The following DPP10 variants were observed in gnomAD, a reference collection of about 807,000 sequenced individuals.
DPP10 encodes dipeptidyl peptidase like 10.
DPP10 carries 33 observed loss-of-function variants against 120.9 expected under a neutral mutation model. The ratio of observed to expected loss-of-function variants is 0.27; its 90% CI spans 0.21 to 0.37. DPP10 has a LOEUF of 0.37. Ranked by LOEUF, DPP10 falls within the 10% of genes least tolerant of loss-of-function variation. The pLI is 1.00. For synonymous variants in DPP10, 337 were observed against 326.1 expected (o/e 1.03, Z -0.36); for missense variants, 816 against 942.8 (o/e 0.87, Z 1.76).
At chr2:115,733,448 C>T (rs746377933) in intron 8 of DPP10, among the ~76,000 whole-genome samples, 7 of 152,048 alleles carry the variant, frequency 4.6e-5, no homozygotes, top group African/African-American at 9.7e-5. Context: ...CATAGATCAT[C>T]GATGGCCTTG....
intron 1 of DPP10, among the ~76,000 whole-genome samples, chr2:114,818,262 A>G (rs1345776287): frequency 6.6e-6 from 1 of 152,182 alleles, no homozygotes; most frequent in African/African-American, 2.4e-5. Context: ...AATTATAAAA[A>G]CAGGACCTGT....
intron 1 of DPP10, among the ~76,000 whole-genome samples, chr2:115,223,172 A>T (rs746911767): frequency 1.6e-4 from 25 of 152,164 alleles, no homozygotes; most frequent in Non-Finnish European, 7.3e-5. Context: ...ACAAGAGTAA[A>T]GACGGCAATA....
intron 1 of DPP10, among the ~76,000 whole-genome samples, chr2:115,026,846 A>G (rs1703499565): frequency 1.3e-5 from 2 of 151,972 alleles, no homozygotes; most frequent in Admixed American, 6.6e-5. Flanking sequence ...TGTTTTTTCT[A>G]TTTCTGTGAA....
intron 1 of DPP10, among the ~76,000 whole-genome samples, chr2:115,025,702 T>A (rs1703410071): frequency 6.6e-6 from 1 of 152,146 alleles, no homozygotes; most frequent in Non-Finnish European, 1.5e-5. Context: ...GCATTCTAAC[T>A]GGGGTGAGAT....
chr2:115,568,751 T>G (rs1466571062), intron 5 of DPP10, among the ~76,000 whole-genome samples: 15 of 152,284 alleles, frequency 9.9e-5, no homozygotes, highest in Non-Finnish European at 1.9e-4. Flanking sequence ...CAGGCTAAGC[T>G]GTCAGTCAGT....
intron 1 of DPP10, among the ~76,000 whole-genome samples, chr2:115,282,223 A>T (rs1436973263): frequency 6.6e-6 from 1 of 152,094 alleles, no homozygotes; most frequent in African/African-American, 2.4e-5. Context: ...AGATAATATT[A>T]CATAATAGTT....
At chr2:115,376,308 G>A (rs977538927) in intron 3 of DPP10, among the ~76,000 whole-genome samples, 2 of 152,118 alleles carry the variant, frequency 1.3e-5, no homozygotes, top group Non-Finnish European at 1.5e-5. Context: ...TGAATGTTAT[G>A]TATGAACACT....
chr2:115,483,176 C>G (rs530449488), intron 3 of DPP10, among the ~76,000 whole-genome samples: 12 of 152,026 alleles, frequency 7.9e-5, no homozygotes, highest in Non-Finnish European at 1.6e-4. Flanking sequence ...TCATCATACT[C>G]AAGATCACTT....
At chr2:115,251,024 G>A (rs770684587) in intron 1 of DPP10, among the ~76,000 whole-genome samples, 2 of 152,104 alleles carry the variant, frequency 1.3e-5, no homozygotes, top group African/African-American at 4.8e-5. Flanking sequence ...TTTCGTCCCC[G>A]GTGGCTTTGG....
At chr2:114,812,780 A>G (rs985652048) in intron 1 of DPP10, among the ~76,000 whole-genome samples, 4 of 152,072 alleles carry the variant, frequency 2.6e-5, no homozygotes, top group African/African-American at 9.7e-5. Context: ...TAAGCATTCC[A>G]AGATGAAAAA....
intron 1 of DPP10, among the ~76,000 whole-genome samples, chr2:115,050,778 G>A (rs1705417927): frequency 6.6e-6 from 1 of 152,162 alleles, no homozygotes; most frequent in Non-Finnish European, 1.5e-5. Context: ...CTAGGGCAGG[G>A]ATGGTACACG....
At chr2:115,717,501 G>A (rs1386083741) in intron 7 of DPP10, among the ~76,000 whole-genome samples, 1 of 152,092 alleles carries the variant, frequency 6.6e-6, no homozygotes, top group East Asian at 1.9e-4. Context: ...GTTACTTAAT[G>A]TCTTTGTCCT....
intron 1 of DPP10, among the ~76,000 whole-genome samples, chr2:114,500,254 C>T (rs775562524): frequency 1.3e-5 from 2 of 152,182 alleles, no homozygotes; most frequent in African/African-American, 2.4e-5. Context: ...TCATGAGGAG[C>T]TCTGATCATG....
chr2:114,885,474 C>A (rs1175993418), intron 1 of DPP10, among the ~76,000 whole-genome samples: 2 of 152,146 alleles, frequency 1.3e-5, no homozygotes, highest in African/African-American at 4.8e-5. Context: ...ACTATATCAC[C>A]CTTCATGCTT....
At chr2:115,088,956 C>T (rs1709008795) in intron 1 of DPP10, among the ~76,000 whole-genome samples, 1 of 152,060 alleles carries the variant, frequency 6.6e-6, no homozygotes, top group African/African-American at 2.4e-5. Context: ...CTGACCATCC[C>T]TTGACTTCCA....
intron 1 of DPP10, among the ~76,000 whole-genome samples, chr2:115,245,547 A>G (rs984358176): frequency 1.3e-5 from 2 of 152,214 alleles, no homozygotes; most frequent in South Asian, 4.1e-4. Flanking sequence ...AAACTAGTAT[A>G]GCCACTGTGG....
At chr2:115,826,375 A>G (rs1035897337) in intron 21 of DPP10, among the ~76,000 whole-genome samples, 5 of 152,190 alleles carry the variant, frequency 3.3e-5, no homozygotes, top group Admixed American at 6.5e-5. Flanking sequence ...GTATAGATAC[A>G]TACATGCTTA....
intron 1 of DPP10, among the ~76,000 whole-genome samples, chr2:115,178,578 G>A (rs1476589239): frequency 6.6e-6 from 1 of 151,952 alleles, no homozygotes; most frequent in Non-Finnish European, 1.5e-5. Flanking sequence ...ATAAATTGAT[G>A]GTTATTATGA....
chr2:115,496,095 G>A (rs1158562722), intron 3 of DPP10, among the ~76,000 whole-genome samples: 1 of 151,878 alleles, frequency 6.6e-6, no homozygotes, highest in Non-Finnish European at 1.5e-5. Context: ...CTAGTAACAG[G>A]AGTTTCAAAA....
Sources: allele counts gnomAD v4.1 joint callset (sites outside exome capture counted in the v4.1 genomes callset), GRCh38; gene constraint gnomAD v4.1.1; transcripts MANE v1.5; gene names NCBI Gene and HGNC (gene_info 2026-07-23, HGNC 2026-07-21).